Variants in CDH8 observed in about 807,000 individuals in gnomAD.
The protein encoded by CDH8 is cadherin 8.
CDH8 carries 17 observed loss-of-function variants against 68.1 expected under a neutral mutation model. That is an observed-to-expected ratio of 0.25 (90% CI 0.17 to 0.37). The LOEUF is 0.37. Among genes scored for constraint, CDH8 ranks in the 10% least tolerant of loss-of-function variants. CDH8 has a pLI of 1.00. For missense variants in CDH8, 763 were observed against 999.3 expected (o/e 0.76, Z 3.19); for synonymous variants, 372 against 365.1 (o/e 1.02, Z -0.21).
intron 3 of CDH8, among the ~76,000 whole-genome samples, chr16:61,894,164 C>A (rs1963829946): frequency 6.6e-6 from 1 of 152,084 alleles, no homozygotes; most frequent in African/African-American, 2.4e-5. Flanking sequence ...AAATCATGTA[C>A]CACCTGATAC....
chr16:61,978,490 A>T (rs916625304), intron 2 of CDH8, among the ~76,000 whole-genome samples: 1 of 152,168 alleles, frequency 6.6e-6, no homozygotes, highest in African/African-American at 2.4e-5. Context: ...AGTCTCCTGA[A>T]ATTGAATAAT....
At chr16:61,745,147 T>C (rs1014678455) in intron 8 of CDH8, among the ~76,000 whole-genome samples, 31 of 151,782 alleles carry the variant, frequency 2.0e-4, no homozygotes, top group African/African-American at 5.6e-4. Flanking sequence ...CTCTTTTCTC[T>C]TGATATAATA....
At chr16:61,743,197 A>C (rs1266139790) in intron 8 of CDH8, 2 of 152,048 alleles carry the variant, frequency 1.3e-5, no homozygotes, top group Non-Finnish European at 2.9e-5. Context: ...GATGTGTCTG[A>C]GGTCTTGGAA....
chr16:61,652,763 A>T lies in CDH8; in HGVS notation c.*845T>A. On this transcript the variant is annotated 3_prime_UTR_variant, in exon 12 of 12. Transcript: ENST00000577390. Reference sequence around the variant, plus strand: ...ATTAATGGACATCAATAAAATATTTATTTCGAGGATTAAACAAATAAATTC... The same window carrying T: ...ATTAATGGACATCAATAAAATATTTTTTTCGAGGATTAAACAAATAAATTC... 7.5e-7 allele frequency: 1 copy of T among 1,325,314 alleles called. No homozygotes were observed. Among genetic ancestry groups the T allele is most frequent in the Non-Finnish European group, 9.6e-7 (1 of 1,037,602 alleles). The allele number at this position is 1,325,314 out of a possible 1,614,324, so 82.1% of individuals were successfully genotyped here.
At chr16:62,019,634 G>T (rs958624209) in intron 2 of CDH8, among the ~76,000 whole-genome samples, 4 of 152,030 alleles carry the variant, frequency 2.6e-5, no homozygotes, top group Non-Finnish European at 5.9e-5. Context: ...TCACAATTAC[G>T]CACTATGACT....
intron 8 of CDH8, among the ~76,000 whole-genome samples, chr16:61,747,736 T>A (rs2142939455): frequency 6.6e-6 from 1 of 151,250 alleles, no homozygotes; most frequent in South Asian, 2.1e-4. Flanking sequence ...TTTCTAAAAT[T>A]AAAAAATGGT....
At chr16:61,749,381 G>C (rs961706909) in intron 8 of CDH8, among the ~76,000 whole-genome samples, 2 of 152,020 alleles carry the variant, frequency 1.3e-5, no homozygotes, top group African/African-American at 4.8e-5. Context: ...CAGAAGCTTT[G>C]ATTCTAGAAA....
chr16:61,671,142 T>C (rs547964763), intron 10 of CDH8, among the ~76,000 whole-genome samples: 18 of 152,164 alleles, frequency 1.2e-4, no homozygotes, highest in African/African-American at 4.1e-4. Context: ...CAGTTAAAAA[T>C]ATCTGAGCAT....
At chr16:61,968,500 T>C (rs1458829445) in intron 2 of CDH8, among the ~76,000 whole-genome samples, 1 of 152,198 alleles carries the variant, frequency 6.6e-6, no homozygotes, top group Non-Finnish European at 1.5e-5. Flanking sequence ...TCTCCAAGTC[T>C]TTATCCTCCC....
At chr16:62,017,782 A>C (rs1901976748) in intron 2 of CDH8, among the ~76,000 whole-genome samples, 1 of 151,432 alleles carries the variant, frequency 6.6e-6, no homozygotes, top group Non-Finnish European at 1.5e-5. Flanking sequence ...CAGTCATCTT[A>C]CTCTCTCCCC....
chr16:61,999,952 C>A (rs1461191745), intron 2 of CDH8, among the ~76,000 whole-genome samples: 2 of 151,850 alleles, frequency 1.3e-5, no homozygotes, highest in Non-Finnish European at 2.9e-5. Flanking sequence ...CTAATGCTCT[C>A]CCTCCCCTTG....
chr16:61,986,156 T>C (rs1965623908), intron 2 of CDH8, among the ~76,000 whole-genome samples: 1 of 152,018 alleles, frequency 6.6e-6, no homozygotes, highest in African/African-American at 2.4e-5. Context: ...ACTCCTGACC[T>C]CAGGTGATCT....
At chr16:61,750,897 A>C (rs1048350299) in intron 8 of CDH8, among the ~76,000 whole-genome samples, 5 of 152,124 alleles carry the variant, frequency 3.3e-5, no homozygotes, top group Non-Finnish European at 7.4e-5. Flanking sequence ...ATAAACCCTC[A>C]TTATAATTTC....
intron 2 of CDH8, among the ~76,000 whole-genome samples, chr16:61,901,939 C>T (rs1382991671): frequency 2.0e-5 from 3 of 151,988 alleles, no homozygotes; most frequent in South Asian, 4.2e-4. Context: ...TGATGCTGAA[C>T]GAGGCACATA....
At chr16:62,020,712 A>G (rs1452579484) in intron 2 of CDH8, among the ~76,000 whole-genome samples, 1 of 152,170 alleles carries the variant, frequency 6.6e-6, no homozygotes, top group Non-Finnish European at 1.5e-5. Context: ...ATAAATATCC[A>G]CCTGCAATTA....
chr16:61,985,379 G>A (rs1399186850), intron 2 of CDH8, among the ~76,000 whole-genome samples: 1 of 152,136 alleles, frequency 6.6e-6, no homozygotes, highest in East Asian at 1.9e-4. Context: ...GCCACAAGTA[G>A]CTAATTGCTG....
Position 61,820,840 on chromosome 16 carries a change from C to A in CDH8, c.1023+86G>T. 3 of 1,141,460 alleles carry A rather than the reference C, an allele frequency of 2.6e-6. No individual in the cohort carries two copies. In the South Asian group the frequency reaches 4.3e-5, roughly 16 times the overall value. 70.7% of individuals were successfully genotyped at this position (1,141,460 alleles called of 1,614,324 possible). On this transcript the variant is annotated intron_variant, in intron 6 of 11. Coordinates refer to ENST00000577390, the MANE Select transcript of CDH8 (RefSeq NM_001796.5). ...AACACCTACCAGCTGTGCAATTCTGCCAGGAACTCCACACAAGTCCCTCAA... is the reference window on the plus strand; with the variant it reads ...AACACCTACCAGCTGTGCAATTCTGACAGGAACTCCACACAAGTCCCTCAA...
At chr16:61,678,303 G>A (rs942592975) in intron 10 of CDH8, among the ~76,000 whole-genome samples, 3 of 151,922 alleles carry the variant, frequency 2.0e-5, no homozygotes, top group African/African-American at 4.8e-5. Flanking sequence ...GCTGTGTCAC[G>A]GGTCATTGGT....
chr16:61,690,817 T>C (rs1243481090), intron 10 of CDH8, among the ~76,000 whole-genome samples: 1 of 152,044 alleles, frequency 6.6e-6, no homozygotes, highest in Non-Finnish European at 1.5e-5. Context: ...ACAAGTATAG[T>C]TAATCATACG....
Sources: allele counts gnomAD v4.1 joint callset (sites outside exome capture counted in the v4.1 genomes callset), GRCh38; gene constraint gnomAD v4.1.1; transcripts MANE v1.5; gene names NCBI Gene and HGNC (gene_info 2026-07-23, HGNC 2026-07-21).